The following CBX1 variants were observed in gnomAD, a reference collection of about 807,000 sequenced individuals.
The protein encoded by CBX1 is chromobox protein homolog 1.
In CBX1, 10 loss-of-function variants were observed where a neutral mutation model predicts 25.1. The observed-to-expected ratio is 0.40, with a 90% CI of 0.25 to 0.68. CBX1 has a LOEUF of 0.68. Ranked by LOEUF, CBX1 falls within the 30% of genes least tolerant of loss-of-function variation. CBX1 has a pLI of 0.40. For synonymous variants in CBX1, 63 were observed against 79.4 expected (o/e 0.79, Z 1.10); for missense variants, 106 against 218.5 (o/e 0.49, Z 3.25).
intron 1 of CBX1, among the ~76,000 whole-genome samples, chr17:48,081,389 C>T (rs1019684011): frequency 5.9e-5 from 9 of 152,084 alleles, no homozygotes; most frequent in South Asian, 4.1e-4. Context: ...GTAAAGAAAG[C>T]GCCCAAATGG....
At chr17:48,092,256 C>CT (rs1174958275) in intron 1 of CBX1, among the ~76,000 whole-genome samples, 1 of 151,656 alleles carries the variant, frequency 6.6e-6, no homozygotes, top group African/African-American at 2.4e-5. Context: ...TCCCAAAGTG[C>CT]TGGGATTACA....
intron 1 of CBX1, chr17:48,100,579 C>A: frequency 3.8e-6 from 1 of 262,508 alleles, no homozygotes; most frequent in Non-Finnish European, 5.9e-6. Context: ...GATGCAAGGG[C>A]GGCCTGCTTT....
chr17:48,076,885 T>G lies in CBX1; in HGVS notation c.120A>C (p.Leu40=). The change falls in exon 2 of 5, where the codon CTA becomes CTC. Residue 40 remains leucine (L), a synonymous_variant. Coordinates refer to ENST00000225603, the MANE Select transcript of CBX1 (RefSeq NM_001127228.2). The part of the protein sequence containing the change: ...RVVKGKVEYL[L]KWKGFSDEDN... ...CTTACTCTGAGAATCCCTTCCACTT[T>G]AGGAGGTACTCCACTTTGCCCTTTA... The G allele has an allele frequency of 6.2e-7, 1 of 1,611,850 alleles. No individual in the cohort carries two copies. Among genetic ancestry groups the G allele is most frequent in the Non-Finnish European group, 8.5e-7 (1 of 1,179,470 alleles).
chr17:48,086,003 G>A (rs1440475400), intron 1 of CBX1, among the ~76,000 whole-genome samples: 1 of 152,170 alleles, frequency 6.6e-6, no homozygotes, highest in Non-Finnish European at 1.5e-5. Flanking sequence ...TCAGGCGGCA[G>A]ACATTGGCAG....
At chr17:48,073,414 A>T (rs1008203585) in intron 4 of CBX1, among the ~76,000 whole-genome samples, 2 of 152,140 alleles carry the variant, frequency 1.3e-5, no homozygotes, top group Non-Finnish European at 2.9e-5. Flanking sequence ...AAATTTAGTC[A>T]TTTCACTCCC....
chr17:48,080,410 A>G (rs2037719065), intron 1 of CBX1, among the ~76,000 whole-genome samples: 1 of 152,138 alleles, frequency 6.6e-6, no homozygotes, highest in South Asian at 2.1e-4. Flanking sequence ...CACTGTATCA[A>G]TGAAACAAAA....
intron 4 of CBX1, among the ~76,000 whole-genome samples, chr17:48,072,124 A>G (rs1380051484): frequency 1.3e-5 from 2 of 151,266 alleles, no homozygotes; most frequent in Non-Finnish European, 2.9e-5. Flanking sequence ...AGCCTCCCCT[A>G]ATAGCTGGAA....
At chr17:48,089,677 G>A (rs1248676538) in intron 1 of CBX1, among the ~76,000 whole-genome samples, 1 of 146,000 alleles carries the variant, frequency 6.8e-6, no homozygotes, top group Non-Finnish European at 1.5e-5. Flanking sequence ...TACAAAATTA[G>A]CTGGGCGTGG....
intron 1 of CBX1, among the ~76,000 whole-genome samples, chr17:48,095,284 T>C (rs909900303): frequency 6.6e-6 from 1 of 152,112 alleles, no homozygotes; most frequent in South Asian, 2.1e-4. Context: ...GAACCCTATA[T>C]GGACAATAAA....
At chr17:48,077,148 G>T in intron 1 of CBX1, 107 bp from the exon 2 acceptor site, 1 of 820,666 alleles carries the variant, frequency 1.2e-6, no homozygotes, top group Non-Finnish European at 1.9e-6. Context: ...AATATTGTAT[G>T]CTGCTTATAG....
chr17:48,079,024 C>T (rs150012002), intron 1 of CBX1, among the ~76,000 whole-genome samples: 1 of 151,758 alleles, frequency 6.6e-6, no homozygotes, highest in East Asian at 1.9e-4. Flanking sequence ...GTCTCAAACT[C>T]GTGACTTCGT....
At chr17:48,071,629 T>C (rs746420684) in intron 4 of CBX1, 50 bp from the exon 5 acceptor site, 1 of 1,513,500 alleles carries the variant, frequency 6.6e-7, no homozygotes, top group Admixed American at 2.2e-5. Flanking sequence ...TGGTGGTCTA[T>C]CCTAAGTTGG....
chr17:48,081,019 G>A (rs2037733466), intron 1 of CBX1, among the ~76,000 whole-genome samples: 1 of 93,978 alleles, frequency 1.1e-5, no homozygotes, highest in Non-Finnish European at 2.0e-5. Flanking sequence ...AAAATAAATA[G>A]CATTTCTTTT....
intron 4 of CBX1, among the ~76,000 whole-genome samples, chr17:48,072,979 A>G (rs1349075767): frequency 1.3e-5 from 2 of 151,464 alleles, no homozygotes; most frequent in East Asian, 3.9e-4. Flanking sequence ...AAAATTAGCC[A>G]GGCATGGTGG....
intron 1 of CBX1, among the ~76,000 whole-genome samples, chr17:48,080,867 G>C (rs2037723562): frequency 7.7e-6 from 1 of 130,470 alleles, no homozygotes; most frequent in Admixed American, 8.7e-5. Flanking sequence ...GTTGCAGTGA[G>C]CCGAGATCGC....
intron 1 of CBX1, among the ~76,000 whole-genome samples, chr17:48,097,277 C>T (rs1661262597): frequency 6.7e-6 from 1 of 150,166 alleles, no homozygotes; most frequent in African/African-American, 2.5e-5. Flanking sequence ...AAAAACGCCA[C>T]CACATTGTAC....
intron 1 of CBX1, 158 bp downstream of exon 1, chr17:48,101,110 G>C: frequency 5.1e-6 from 5 of 986,552 alleles, no homozygotes; most frequent in Non-Finnish European, 6.0e-6. Flanking sequence ...GACAGGCGAA[G>C]AGCTCAGCGC....
chr17:48,079,583 T>A (rs76757053), intron 1 of CBX1, among the ~76,000 whole-genome samples: 4,152 of 151,410 alleles, frequency 0.027, 74 homozygotes, highest in African/African-American at 0.037. Context: ...AGCTTTGACC[T>A]CCTGGGCTCA....
Position 48,070,104 on chromosome 17 carries a change from T to C in CBX1, c.*1331A>G, listed in dbSNP as rs1001859931. 2 of 152,654 alleles carry C rather than the reference T, an allele frequency of 1.3e-5. No individual in the cohort carries two copies. The highest frequency in any genetic ancestry group is 2.9e-5 in the Non-Finnish European group (2 of 68,032). The allele number at this position is 152,654 out of a possible 1,614,324, so 9.5% of individuals were successfully genotyped here. The stretch of plus-strand genomic sequence containing the variant: ...TAAGACAAAAACTGACAATGTAGTA[T>C]GAAGTTTACATTTAAACAAAGTTTA... On this transcript the variant is annotated 3_prime_UTR_variant, in exon 5 of 5. Coordinates refer to ENST00000225603, the MANE Select transcript of CBX1 (RefSeq NM_001127228.2).
Sources: allele counts gnomAD v4.1 joint callset (sites outside exome capture counted in the v4.1 genomes callset), GRCh38; gene constraint gnomAD v4.1.1; transcripts MANE v1.5; gene names NCBI Gene and HGNC (gene_info 2026-07-23, HGNC 2026-07-21).